The following FBXO34 variants were observed in gnomAD, a reference collection of about 807,000 sequenced individuals.
FBXO34 encodes F-box protein 34, also known as F-box only protein 34.
FBXO34 carries 12 observed loss-of-function variants against 24.5 expected under a neutral mutation model. That is an observed-to-expected ratio of 0.49 (90% CI 0.31 to 0.79). The LOEUF (loss-of-function observed/expected upper bound fraction) is 0.79, where lower values mean the gene tolerates loss of function less well. Ranked by LOEUF, FBXO34 falls within the 30% of genes least tolerant of loss-of-function variation. FBXO34 has a pLI of 0.04. For synonymous variants in FBXO34, 320 were observed against 311.9 expected (o/e 1.03, Z -0.27); for missense variants, 823 against 857.7 (o/e 0.96, Z 0.51).
intron 1 of FBXO34, among the ~76,000 whole-genome samples, chr14:55,338,926 A>AC (rs1566562529): frequency 1.4e-5 from 1 of 73,242 alleles, no homozygotes; most frequent in Non-Finnish European, 3.4e-5. Context: ...AAAAACAAAA[A>AC]AAAAAAAGCC....
At chr14:55,323,673 G>A (rs1306412024) in intron 1 of FBXO34, among the ~76,000 whole-genome samples, 1 of 152,100 alleles carries the variant, frequency 6.6e-6, no homozygotes, top group Non-Finnish European at 1.5e-5. Context: ...GAGCCATGGC[G>A]CTTGGCCAAA....
the FBXO34 span, among the ~76,000 whole-genome samples, chr14:55,402,949 AT>A: frequency 1.1e-4 from 9 of 79,374 alleles, 1 homozygote; most frequent in African/African-American, 1.8e-4. Context: ...ATATATATAT[AT>A]ATATATATAT....
At chr14:55,272,476 A>G (rs1228707035) in intron 1 of FBXO34, among the ~76,000 whole-genome samples, 2 of 151,772 alleles carry the variant, frequency 1.3e-5, no homozygotes, top group Non-Finnish European at 2.9e-5. Flanking sequence ...TTGCAATCAG[A>G]ATTACTGAAA....
At position 55,352,681 on chromosome 14, in the gene FBXO34, T is replaced by G. The variant is rs1191100139; in HGVS notation, c.*155T>G. ...TCAGGCATTTTCTAAACTCTAAATT[T>G]ACGAGCTGTACAAAAAAATTGGTCT... On this transcript the variant is annotated 3_prime_UTR_variant, in exon 2 of 2. Coordinates refer to ENST00000313833, the MANE Select transcript of FBXO34 (RefSeq NM_017943.4). The G allele has an allele frequency of 3.0e-6, 2 of 659,484 alleles. No homozygotes were observed. Among genetic ancestry groups the G allele is most frequent in the African/African-American group, 3.7e-5 (2 of 54,774 alleles). 40.9% of individuals were successfully genotyped at this position (659,484 alleles called of 1,614,324 possible). A position where few individuals can be genotyped will look rare whatever the true frequency, so the allele number is the denominator to read the frequency against.
the FBXO34 span, among the ~76,000 whole-genome samples, chr14:55,419,997 A>C: frequency 6.6e-6 from 1 of 152,182 alleles, no homozygotes; most frequent in Non-Finnish European, 1.5e-5. Flanking sequence ...CAGTTTAGGG[A>C]GGAGCCTGAA....
At chr14:55,326,543 A>G (rs1043935205) in intron 1 of FBXO34, among the ~76,000 whole-genome samples, 1 of 152,204 alleles carries the variant, frequency 6.6e-6, no homozygotes, top group African/African-American at 2.4e-5. Flanking sequence ...GTGAGGAGGA[A>G]AAAATCATAG....
chr14:55,365,429 C>G (rs891171472), downstream of FBXO34, among the ~76,000 whole-genome samples: 23 of 151,996 alleles, frequency 1.5e-4, no homozygotes, highest in African/African-American at 5.3e-4. Flanking sequence ...ATTTTCTTAC[C>G]AAGTCGGCTG....
At chr14:55,371,635 T>A (rs2140117860), downstream of FBXO34, among the ~76,000 whole-genome samples, 1 of 152,146 alleles carries the variant, frequency 6.6e-6, no homozygotes, top group South Asian at 2.1e-4. Context: ...AAACCCTGTC[T>A]CTACTAAAAA....
At chr14:55,433,203 A>T in the FBXO34 span, among the ~76,000 whole-genome samples, 2 of 151,928 alleles carry the variant, frequency 1.3e-5, no homozygotes, top group African/African-American at 4.8e-5. Flanking sequence ...ATCATAGCTC[A>T]TTGCAGCCTC....
At chr14:55,381,905 C>T in the FBXO34 span, 1 of 1,476,082 alleles carries the variant, frequency 6.8e-7, no homozygotes, top group Non-Finnish European at 9.4e-7. Flanking sequence ...TTTGTTATGT[C>T]AATTTTACCT....
intron 1 of FBXO34, among the ~76,000 whole-genome samples, chr14:55,295,387 A>ATTTTTTTTT (rs3051307): frequency 1.4e-4 from 13 of 91,370 alleles, no homozygotes; most frequent in South Asian, 7.0e-4. Context: ...ATTCTTTTCT[A>ATTTTTTTTT]TTTTTTTTTT....
At chr14:55,346,848 G>A (rs150457327) in intron 1 of FBXO34, among the ~76,000 whole-genome samples, 1 of 152,328 alleles carries the variant, frequency 6.6e-6, no homozygotes, top group African/African-American at 2.4e-5. Flanking sequence ...CCAGCCCTTA[G>A]ATGAGATGCT....
intron 1 of FBXO34, among the ~76,000 whole-genome samples, chr14:55,312,945 T>C (rs1882798131): frequency 6.6e-6 from 1 of 152,250 alleles, no homozygotes; most frequent in African/African-American, 2.4e-5. Flanking sequence ...CTTATGCACA[T>C]TTTTGTAGCT....
chr14:55,336,868 GCACACA>G (rs3051328), intron 1 of FBXO34, among the ~76,000 whole-genome samples: 9 of 144,204 alleles, frequency 6.2e-5, no homozygotes, highest in South Asian at 2.2e-4. Flanking sequence ...ATACATGCAC[GCACACA>G]CACACACACA....
At chr14:55,436,900 G>A in the FBXO34 span, 21 of 1,614,222 alleles carry the variant, frequency 1.3e-5, no homozygotes, top group African/African-American at 2.0e-4. Flanking sequence ...ATCACCAGAT[G>A]TTTCTTTGAC....
chr14:55,401,264 GT>G, the FBXO34 span, among the ~76,000 whole-genome samples: 53 of 148,654 alleles, frequency 3.6e-4, no homozygotes, highest in East Asian at 5.9e-4. Flanking sequence ...ATTTTTTATA[GT>G]TTTTTTTTTC....
intron 1 of FBXO34, among the ~76,000 whole-genome samples, chr14:55,274,351 G>A (rs1881264714): frequency 6.6e-6 from 1 of 152,192 alleles, no homozygotes; most frequent in Non-Finnish European, 1.5e-5. Flanking sequence ...TGAGTGTTGT[G>A]TAATTATCTA....
chr14:55,404,418 G>A, the FBXO34 span, among the ~76,000 whole-genome samples: 4 of 152,296 alleles, frequency 2.6e-5, no homozygotes, highest in African/African-American at 9.6e-5. Context: ...GCTCTGCCAT[G>A]CGCAAGTAAG....
At chr14:55,273,581 A>T (rs774191456) in intron 1 of FBXO34, among the ~76,000 whole-genome samples, 2 of 152,216 alleles carry the variant, frequency 1.3e-5, no homozygotes, top group Non-Finnish European at 2.9e-5. Context: ...TGTATGAAAG[A>T]TACACATTTG....
Sources: allele counts gnomAD v4.1 joint callset (sites outside exome capture counted in the v4.1 genomes callset), GRCh38; gene constraint gnomAD v4.1.1; transcripts MANE v1.5; gene names NCBI Gene and HGNC (gene_info 2026-07-23, HGNC 2026-07-21).